TRIM62: variants seen among roughly 807,000 people sequenced by gnomAD.
TRIM62 encodes the protein tripartite motif containing 62.
TRIM62 carries 39 observed loss-of-function variants against 44.2 expected under a neutral mutation model. The observed-to-expected ratio is 0.88, with a 90% CI of 0.68 to 1.15. The LOEUF is 1.15. Ranked by LOEUF, TRIM62 falls within the 50% of genes most tolerant of loss-of-function variation. TRIM62 has a pLI of 0.00. For synonymous variants in TRIM62, 278 were observed against 292.3 expected, an observed-to-expected ratio of 0.95 and a Z score of 0.50; for missense variants, 544 against 665.5, an observed-to-expected ratio of 0.82 and a Z score of 2.01.
chr1:33,154,241 G>A (rs1283980330), intron 4 of TRIM62, among the ~76,000 whole-genome samples: 1 of 150,858 alleles, frequency 6.6e-6, no homozygotes, highest in Non-Finnish European at 1.5e-5. Flanking sequence ...CTAAGTTCTG[G>A]GAGGCAAAAG....
At chr1:33,176,983 T>C (rs1011898253) in intron 1 of TRIM62, among the ~76,000 whole-genome samples, 3 of 152,144 alleles carry the variant, frequency 2.0e-5, no homozygotes, top group African/African-American at 7.2e-5. Context: ...CTTTGCTCAG[T>C]GGTCCAGGTA....
At chr1:33,163,281 C>A (rs1557757410) in intron 2 of TRIM62, 1 of 152,156 alleles carries the variant, frequency 6.6e-6, no homozygotes, top group South Asian at 2.1e-4. Context: ...TCAGGTGATC[C>A]GCCCGCCTCA....
rs1315012527 is a variant in TRIM62 at position 33,177,103 on chromosome 1, GCACACACACATGCATGTACGCATGCACA to G, written c.408+3894_408+3921del. 8.6e-4 allele frequency among the ~76,000 whole-genome samples: 129 copies of G among 150,778 alleles called. 1 individual carries two copies. The East Asian group carries it at 0.017, about 20-fold the overall frequency. ...CATGCATGCACAAATGCACACACAT[GCACACACACATGCATGTACGCATGCACA>G]CACACGCACATGCACACCCACAGGT... On this transcript the variant is annotated intron_variant, in intron 1 of 4. Transcript: ENST00000291416. The surrounding 1 kb of genome is among the most constrained non-coding windows in gnomAD (Gnocchi z 4.1).
At chr1:33,166,634 T>A (rs1645329998) in intron 1 of TRIM62, among the ~76,000 whole-genome samples, 2 of 152,050 alleles carry the variant, frequency 1.3e-5, no homozygotes, top group Non-Finnish European at 2.9e-5. Flanking sequence ...GATAAACATA[T>A]AATGGTAAAG....
Position 33,159,541 on chromosome 1 carries a change from C to A in TRIM62, c.761+147G>T, listed in dbSNP as rs1645231379. On this transcript the variant is annotated intron_variant, in intron 3 of 4. Coordinates refer to ENST00000291416, the MANE Select transcript of TRIM62 (RefSeq NM_018207.3). This position sits in a 1 kb window ranked among gnomAD's most constrained non-coding sequence, Gnocchi z 4.2. ...TCATACTCAAGGCTTCATGCTCCTA[C>A]CCATAGCAGATGTCCCGTAAATGTT... 3.3e-6 allele frequency: 4 copies of A among 1,205,448 alleles called. No homozygotes were observed. In the South Asian group the frequency reaches 6.3e-5, roughly 19 times the overall value. The allele number at this position is 1,205,448 out of a possible 1,614,324, so 74.7% of individuals were successfully genotyped here. A position where few individuals can be genotyped will look rare whatever the true frequency, so the allele number is the denominator to read the frequency against.
intron 1 of TRIM62, among the ~76,000 whole-genome samples, chr1:33,179,026 T>A (rs867422426): frequency 2.6e-5 from 4 of 152,338 alleles, no homozygotes; most frequent in Middle Eastern, 3.4e-3. Context: ...TAGCCCTGGC[T>A]CTCTCACTGT....
intron 1 of TRIM62, among the ~76,000 whole-genome samples, chr1:33,180,387 T>G (rs940411826): frequency 6.6e-6 from 1 of 152,112 alleles, no homozygotes; most frequent in Non-Finnish European, 1.5e-5. Context: ...GATCTCAGTC[T>G]TAACCCCTCA....
At chr1:33,174,217 G>A (rs994948129) in intron 1 of TRIM62, among the ~76,000 whole-genome samples, 1 of 150,754 alleles carries the variant, frequency 6.6e-6, no homozygotes, top group Non-Finnish European at 1.5e-5. Context: ...TCACTCTGTT[G>A]CCCAGGCTGG....
chr1:33,177,856 G>A lies in TRIM62; in HGVS notation c.408+3169C>T, dbSNP rs907503864. On this transcript the variant is annotated intron_variant, in intron 1 of 4. Coordinates refer to ENST00000291416, the MANE Select transcript of TRIM62 (RefSeq NM_018207.3). This position sits in a 1 kb window ranked among gnomAD's most constrained non-coding sequence, Gnocchi z 4.1. ...TGTTAGGTGCCAAGTGCAGTACTAA[G>A]TTTTTATAAACATCATCTTGTTTAA... Among the ~76,000 whole-genome samples the A allele has an allele frequency of 6.6e-6, 1 of 152,186 alleles. No homozygotes were observed. The highest frequency in any genetic ancestry group is 6.5e-5 in the Admixed American group (1 of 15,278).
At position 33,181,239 on chromosome 1, in the gene TRIM62, C is replaced by A; in HGVS notation, c.194G>T (p.Ser65Ile). The A allele has an allele frequency of 6.4e-7, 1 of 1,559,060 alleles. No individual in the cohort carries two copies. Among genetic ancestry groups the A allele is most frequent in the Non-Finnish European group, 8.6e-7 (1 of 1,157,960 alleles). The change falls in exon 1 of 5, where the codon AGC (serine) becomes ATC (isoleucine). Residue 65 changes from serine to isoleucine, a missense_variant. Coordinates refer to ENST00000291416, the MANE Select transcript of TRIM62 (RefSeq NM_018207.3). The surrounding 1 kb of genome is among the most constrained non-coding windows in gnomAD (Gnocchi z 6.5). ...CTCCACGATGTTGGCCAGCTTGAGG[C>A]TGGGCGCCAGCGCGGGCTCGGCGAA... Reference protein sequence around the residue: ...RTFAEPALAPSLKLANIVERY... With the variant: ...RTFAEPALAPILKLANIVERY...
intron 4 of TRIM62, among the ~76,000 whole-genome samples, chr1:33,157,698 C>T (rs924975740): frequency 6.6e-6 from 1 of 151,900 alleles, no homozygotes; most frequent in African/African-American, 2.4e-5. Context: ...AGTGTCCAGG[C>T]CTCAGTCATT....
chr1:33,149,192 C>G (rs1290177329), intron 4 of TRIM62, among the ~76,000 whole-genome samples: 1 of 152,092 alleles, frequency 6.6e-6, no homozygotes, highest in African/African-American at 2.4e-5. Context: ...TTGCTTTATC[C>G]CCCAGGCGGG....
chr1:33,177,050 C>CAT lies in TRIM62; in HGVS notation c.408+3974_408+3975insAT, dbSNP rs60947572. On this transcript the variant is annotated intron_variant, in intron 1 of 4. Transcript: ENST00000291416. This position sits in a 1 kb window ranked among gnomAD's most constrained non-coding sequence, Gnocchi z 4.1. ...ACACACATACACATGCACACACACA[C>CAT]GCACACACACACACATGCACACACA... Among the ~76,000 whole-genome samples the CAT allele has an allele frequency of 0.74, 108,945 of 146,994 alleles. 39,408 individuals are homozygous for CAT. The highest frequency in any genetic ancestry group is 0.75 in the African/African-American group (29,227 of 38,842).
At chr1:33,179,970 G>A (rs1447675449) in intron 1 of TRIM62, among the ~76,000 whole-genome samples, 1 of 152,196 alleles carries the variant, frequency 6.6e-6, no homozygotes, top group Admixed American at 6.5e-5. Flanking sequence ...AGCATTTGGG[G>A]AAATGCAGTT....
chr1:33,150,186 G>A (rs113642493), intron 4 of TRIM62, among the ~76,000 whole-genome samples: 9 of 152,256 alleles, frequency 5.9e-5, no homozygotes, highest in Admixed American at 4.6e-4. Flanking sequence ...ATGAGGAAAA[G>A]TGGGAAGAAG....
intron 4 of TRIM62, among the ~76,000 whole-genome samples, 159 bp downstream of exon 4, chr1:33,158,094 T>A (rs185114762): frequency 6.6e-6 from 1 of 152,186 alleles, no homozygotes; most frequent in African/African-American, 2.4e-5. Flanking sequence ...AGCTGAGTGA[T>A]TGTGCAGGTG....
intron 1 of TRIM62, among the ~76,000 whole-genome samples, chr1:33,174,052 A>G (rs1645394904): frequency 6.6e-6 from 1 of 152,170 alleles, no homozygotes; most frequent in Admixed American, 6.5e-5. Context: ...TATATACCTT[A>G]TCATCTTTAC....
At chr1:33,154,373 C>T (rs1645144092) in intron 4 of TRIM62, among the ~76,000 whole-genome samples, 1 of 152,238 alleles carries the variant, frequency 6.6e-6, no homozygotes, top group Non-Finnish European at 1.5e-5. Flanking sequence ...CTCGGAGAGG[C>T]AGTCCAGGCA....
rs945880433 is a variant in TRIM62 at position 33,145,671 on chromosome 1, T to A, written c.*1506A>T. Reference sequence around the variant, plus strand: ...TAGGCCCCAGGACTAGAAAGAAAAGTCAAGGCCGGGGAGACATTTAGGCTC... The same window carrying A: ...TAGGCCCCAGGACTAGAAAGAAAAGACAAGGCCGGGGAGACATTTAGGCTC... On this transcript the variant is annotated 3_prime_UTR_variant, in exon 5 of 5. Transcript: ENST00000291416. The A allele has an allele frequency of 1.2e-4, 37 of 313,518 alleles. No homozygotes were observed. Among genetic ancestry groups the A allele is most frequent in the Middle Eastern group, 1.2e-3 (1 of 856 alleles). 19.4% of individuals were successfully genotyped at this position (313,518 alleles called of 1,614,324 possible).
Sources: allele counts gnomAD v4.1 joint callset (sites outside exome capture counted in the v4.1 genomes callset), GRCh38; gene constraint gnomAD v4.1.1; non-coding constraint Gnocchi (gnomAD v3.1); transcripts MANE v1.5; gene names NCBI Gene and HGNC (gene_info 2026-07-23, HGNC 2026-07-21).